Variants in SHISA6 observed in about 807,000 individuals in gnomAD.
SHISA6 encodes protein shisa-6.
A neutral mutation model predicts 47.9 loss-of-function variants in SHISA6; 22 were observed. That is an observed-to-expected ratio of 0.46 (90% CI 0.33 to 0.66). The LOEUF (loss-of-function observed/expected upper bound fraction) is 0.66, where lower values mean the gene tolerates loss of function less well. SHISA6 is among the 30% of genes least tolerant of loss of function. The pLI is 0.02. For missense variants in SHISA6, 680 were observed against 764.6 expected (o/e 0.89, Z 1.30); for synonymous variants, 388 against 337.8 (o/e 1.15, Z -1.63).
rs553902339 is a variant in SHISA6, at chr17:11,458,928, G to A, written c.895+79419G>A. 7.9e-5 allele frequency among the ~76,000 whole-genome samples: 12 copies of A among 152,152 alleles called. No homozygotes were observed. The East Asian group carries it at 1.8e-3, about 22-fold the overall frequency. Reference sequence around the variant, plus strand: ...TATGGTGTAAAAGACATTATGGGCCGGGCATGGTGGCTCACGCCTGTAATC... The same window carrying A: ...TATGGTGTAAAAGACATTATGGGCCAGGCATGGTGGCTCACGCCTGTAATC... On this transcript the variant is annotated intron_variant, in intron 3 of 5. Transcript: ENST00000441885.
chr17:11,263,447 C>G lies in SHISA6; in HGVS notation c.720C>G (p.Thr240=). The G allele has an allele frequency of 6.4e-7, 1 of 1,551,868 alleles. No homozygotes were observed. The highest frequency in any genetic ancestry group is 8.7e-7 in the Non-Finnish European group (1 of 1,147,044). The change falls in exon 2 of 6, where the codon ACC becomes ACG. Residue 240 remains threonine (T), a synonymous_variant. Transcript: ENST00000441885. ...GAGAAACTATCTCGGCTATCGATAC[C>G]TCTCCCAAAGAGAACACGCCGGTCA... The part of the protein sequence containing the change: ...CERETISAID[T]SPKENTPVRS...
At position 11,379,328 on chromosome 17, in the gene SHISA6, A is replaced by G. The variant is rs938834025; in HGVS notation, c.800-86A>G. 2.1e-5 allele frequency: 19 copies of G among 919,714 alleles called. No individual in the cohort carries two copies. The African/African-American group carries it at 2.1e-4, about 10-fold the overall frequency. The allele number at this position is 919,714 out of a possible 1,614,324, so 57.0% of individuals were successfully genotyped here. On this transcript the variant is annotated intron_variant, in intron 2 of 5. Coordinates refer to ENST00000441885, the MANE Select transcript of SHISA6 (RefSeq NM_207386.4). The stretch of plus-strand genomic sequence containing the variant: ...CTGCTGGTTTGAAAACATGCACGCC[A>G]TCACTGTTGGGTGAGATGCAGCTGC...
chr17:11,513,313 T>C (rs377235181), intron 3 of SHISA6, among the ~76,000 whole-genome samples: 1 of 151,762 alleles, frequency 6.6e-6, no homozygotes, highest in Admixed American at 6.6e-5. Context: ...AGGGGTGAAG[T>C]GGTATCTCAT....
At chr17:11,529,107 C>T (rs528897039) in intron 3 of SHISA6, among the ~76,000 whole-genome samples, 43 of 151,786 alleles carry the variant, frequency 2.8e-4, no homozygotes, top group African/African-American at 9.0e-4. Flanking sequence ...GCAGGAGAAT[C>T]GCGTGAACCC....
chr17:11,373,663 GTTTGC>G (rs1173523197), intron 2 of SHISA6, among the ~76,000 whole-genome samples: 1 of 152,006 alleles, frequency 6.6e-6, no homozygotes, highest in African/African-American at 2.4e-5. Context: ...TGCTTTTCTT[GTTTGC>G]TTTGTGCATT....
chr17:11,280,148 A>G (rs2142160256), intron 2 of SHISA6, among the ~76,000 whole-genome samples: 1 of 152,352 alleles, frequency 6.6e-6, no homozygotes, highest in East Asian at 1.9e-4. Flanking sequence ...TTGGTGCTAC[A>G]TAAAGGTTTG....
At chr17:11,274,094 C>T (rs1218697251) in intron 2 of SHISA6, among the ~76,000 whole-genome samples, 2 of 152,286 alleles carry the variant, frequency 1.3e-5, no homozygotes, top group African/African-American at 4.8e-5. Flanking sequence ...CAACTTGTCC[C>T]ACCCTTAGGG....
rs1052241036 is a variant in SHISA6, at chr17:11,294,503, C to T, written c.799+30977C>T. Among the ~76,000 whole-genome samples the T allele has an allele frequency of 6.6e-5, 10 of 152,166 alleles. No individual in the cohort carries two copies. In the South Asian group the frequency reaches 1.7e-3, roughly 25 times the overall value. On this transcript the variant is annotated intron_variant, in intron 2 of 5. Coordinates refer to ENST00000441885, the MANE Select transcript of SHISA6 (RefSeq NM_207386.4). ...GCATGAGCAGGTTGCTCCCCGCGTG[C>T]GAGGCTGCTCCTTTTTGCTGATTTA...
intron 3 of SHISA6, among the ~76,000 whole-genome samples, chr17:11,410,005 A>C (rs1054482358): frequency 1.1e-4 from 17 of 152,350 alleles, no homozygotes; most frequent in African/African-American, 4.1e-4. Context: ...TCATAGGCTC[A>C]CAGAATTATT....
intron 3 of SHISA6, among the ~76,000 whole-genome samples, chr17:11,387,122 T>C (rs1245515287): frequency 6.6e-6 from 1 of 152,070 alleles, no homozygotes; most frequent in Admixed American, 6.6e-5. Flanking sequence ...ACCTGGGAGA[T>C]GGAGACAAGG....
intron 1 of SHISA6, among the ~76,000 whole-genome samples, chr17:11,257,660 CA>C (rs11436926): frequency 0.022 from 2,990 of 136,604 alleles, 107 homozygotes; most frequent in African/African-American, 0.079. Flanking sequence ...GATCCTGTCT[CA>C]AAAAAAAAAA....
At chr17:11,339,518 G>T (rs16944595) in intron 2 of SHISA6, among the ~76,000 whole-genome samples, 1 of 151,950 alleles carries the variant, frequency 6.6e-6, no homozygotes, top group Non-Finnish European at 1.5e-5. Context: ...GTTTTTTGAG[G>T]GATAACTGTG....
intron 2 of SHISA6, among the ~76,000 whole-genome samples, chr17:11,269,314 A>G (rs950472132): frequency 6.6e-6 from 1 of 152,188 alleles, no homozygotes; most frequent in Non-Finnish European, 1.5e-5. Context: ...TGCTGGGATT[A>G]CAGGCGTGAA....
chr17:11,316,505 C>G (rs1910529893), intron 2 of SHISA6, among the ~76,000 whole-genome samples: 1 of 149,832 alleles, frequency 6.7e-6, no homozygotes. Context: ...ACTGCAACCT[C>G]TACCTCCTGG....
chr17:11,486,293 A>C (rs1916346978), intron 3 of SHISA6, among the ~76,000 whole-genome samples: 1 of 152,126 alleles, frequency 6.6e-6, no homozygotes, highest in Non-Finnish European at 1.5e-5. Flanking sequence ...CAAAAGCACC[A>C]TTTGCCCACC....
At chr17:11,527,560 C>T (rs933941415) in intron 3 of SHISA6, among the ~76,000 whole-genome samples, 1 of 151,776 alleles carries the variant, frequency 6.6e-6, no homozygotes, top group Non-Finnish European at 1.5e-5. Context: ...TAGAAATAAC[C>T]TCATGAAAAA....
At chr17:11,332,857 GC>G (rs1911174268) in intron 2 of SHISA6, among the ~76,000 whole-genome samples, 1 of 152,138 alleles carries the variant, frequency 6.6e-6, no homozygotes, top group Admixed American at 6.5e-5. Flanking sequence ...TCCACTGGAA[GC>G]CTGCCGAACC....
chr17:11,308,507 C>G (rs1028389530), intron 2 of SHISA6, among the ~76,000 whole-genome samples: 4 of 152,198 alleles, frequency 2.6e-5, no homozygotes, highest in Non-Finnish European at 5.9e-5. Flanking sequence ...GCCACAGTAT[C>G]TCAGACTTCC....
intron 1 of SHISA6, among the ~76,000 whole-genome samples, chr17:11,257,464 C>T (rs1908058309): frequency 6.6e-6 from 1 of 151,822 alleles, no homozygotes; most frequent in Admixed American, 6.6e-5. Context: ...AGTCCGAGAC[C>T]AGCCTGAGCA....
Sources: allele counts gnomAD v4.1 joint callset (sites outside exome capture counted in the v4.1 genomes callset), GRCh38; gene constraint gnomAD v4.1.1; transcripts MANE v1.5; gene names NCBI Gene and HGNC (gene_info 2026-07-23, HGNC 2026-07-21).